Variants in TTC34 observed in about 807,000 individuals in gnomAD.
TTC34 encodes tetratricopeptide repeat protein 34.
In TTC34, 44 loss-of-function variants were observed where a neutral mutation model predicts 40.7. The ratio of observed to expected loss-of-function variants is 1.08; its 90% CI spans 0.85 to 1.39. The LOEUF (loss-of-function observed/expected upper bound fraction) is 1.39. Among genes scored for constraint, TTC34 ranks in the 40% most tolerant of loss-of-function variants. The probability of loss-of-function intolerance (pLI) is 0.00; values close to 1 mark genes in which losing one functional copy is unlikely to be tolerated. For synonymous variants in TTC34, 422 were observed against 398.6 expected (o/e 1.06, Z -0.70); for missense variants, 884 against 838.0 (o/e 1.05, Z -0.68).
At chr1:2,683,173 C>A (rs796417921) in intron 6 of TTC34, among the ~76,000 whole-genome samples, 2 of 54,222 alleles carry the variant, frequency 3.7e-5, no homozygotes, top group South Asian at 1.2e-3. Context: ...ATCCGGCAGC[C>A]TGGAGCGGAA....
At chr1:2,787,936 G>T (rs1163384193) in intron 3 of TTC34, among the ~76,000 whole-genome samples, 2 of 152,236 alleles carry the variant, frequency 1.3e-5, no homozygotes, top group Non-Finnish European at 2.9e-5. Context: ...GATTGTGGCG[G>T]TATAGACAGG....
At chr1:2,767,496 T>A (rs1176169165) in intron 6 of TTC34, among the ~76,000 whole-genome samples, 60 of 146,538 alleles carry the variant, frequency 4.1e-4, no homozygotes, top group Middle Eastern at 3.5e-3. Context: ...CAGGTGAGGA[T>A]CTGACAGCCT....
intron 6 of TTC34, among the ~76,000 whole-genome samples, chr1:2,688,653 A>C (rs1310015969): frequency 6.4e-4 from 39 of 60,820 alleles, no homozygotes; most frequent in South Asian, 1.6e-3. Flanking sequence ...ACCCACAACC[A>C]CAGGTGAGCC....
At chr1:2,757,787 C>G (rs1388623471) in intron 6 of TTC34, among the ~76,000 whole-genome samples, 5,451 of 134,850 alleles carry the variant, frequency 0.04, 3 homozygotes, top group South Asian at 0.089. Flanking sequence ...GAGCAGCACC[C>G]ACACCTTCCG....
intron 6 of TTC34, among the ~76,000 whole-genome samples, chr1:2,655,074 G>C (rs61765836): frequency 2.2e-5 from 1 of 45,202 alleles, no homozygotes. Flanking sequence ...GCACCTGACA[G>C]CCTGGAGCAG....
chr1:2,673,359 C>G (rs1454841003), intron 6 of TTC34, among the ~76,000 whole-genome samples: 2 of 71,402 alleles, frequency 2.8e-5, no homozygotes, highest in African/African-American at 9.7e-5. Context: ...CCCACGGCCA[C>G]AGGCGAGCAT....
chr1:2,643,881 G>C lies in TTC34; in HGVS notation c.2712+383C>G, dbSNP rs919174624. Among the ~76,000 whole-genome samples, 8 of 152,228 alleles carry C rather than the reference G, an allele frequency of 5.3e-5. 1 individual carries two copies. Among genetic ancestry groups the C allele is most frequent in the Admixed American group, 4.6e-4 (7 of 15,290 alleles). On this transcript the variant is annotated intron_variant, in intron 8 of 8. Coordinates refer to ENST00000401095, the Ensembl canonical transcript of TTC34. The stretch of plus-strand genomic sequence containing the variant: ...GGACCCCAAAGCCTGCTGTGCTCTT[G>C]GCCTCCCAGCCTGCCTTGTCCCCAC...
exon 2 of TTC34, chr1:2,800,366 T>G (rs1318877415): frequency 2.5e-6 from 1 of 398,370 alleles, no homozygotes; most frequent in Non-Finnish European, 4.4e-6. Context: ...CACCATCCGC[T>G]GCCTGCACCC....
chr1:2,799,790 C>CTA (rs1237348937), intron 2 of TTC34, among the ~76,000 whole-genome samples: 1 of 152,206 alleles, frequency 6.6e-6, no homozygotes, highest in South Asian at 2.1e-4. Flanking sequence ...CACTCTCAGC[C>CTA]TAAATGATTC....
At chr1:2,691,907 C>T (rs1343776036) in intron 6 of TTC34, among the ~76,000 whole-genome samples, 1 of 74,236 alleles carries the variant, frequency 1.3e-5, no homozygotes, top group South Asian at 4.5e-4. Context: ...ACCTGCACAC[C>T]CAGGTGAGCA....
At position 2,750,727 on chromosome 1, in the gene TTC34, C is replaced by A. The variant is rs1234433159; in HGVS notation, c.2226+32882G>T. On this transcript the variant is annotated intron_variant, in intron 6 of 8. Coordinates refer to ENST00000401095, the Ensembl canonical transcript of TTC34. ...CGACAGCCTGGAGCAGCACCCACAC[C>A]CCCAGGTGAGCATCTGATGGTCTGG... is the stretch of plus-strand genomic sequence containing the variant. Among the ~76,000 whole-genome samples the A allele has an allele frequency of 8.9e-4, 115 of 129,908 alleles. 1 individual carries two copies. The highest frequency in any genetic ancestry group is 1.3e-3 in the Non-Finnish European group (75 of 59,398). The allele number at this position is 129,908 out of a possible 152,430, so 85.2% of individuals were successfully genotyped here. A position where few individuals can be genotyped will look rare whatever the true frequency, so the allele number is the denominator to read the frequency against.
intron 6 of TTC34, among the ~76,000 whole-genome samples, chr1:2,651,342 A>G (rs923763570): frequency 3.3e-5 from 5 of 152,076 alleles, no homozygotes; most frequent in African/African-American, 1.2e-4. Context: ...ACAGCATTGA[A>G]TGGCACCCAA....
At chr1:2,786,103 T>C in intron 4 of TTC34, 80 bp from the exon 5 acceptor site, 1 of 1,258,398 alleles carries the variant, frequency 7.9e-7, no homozygotes, top group Non-Finnish European at 1.0e-6. Context: ...CCCCTGGCCA[T>C]CCCCCACCCC....
At chr1:2,684,673 A>C (rs1640238632) in intron 6 of TTC34, among the ~76,000 whole-genome samples, 1 of 123,434 alleles carries the variant, frequency 8.1e-6, no homozygotes, top group Non-Finnish European at 1.6e-5. Context: ...AGCAGCACCC[A>C]CACGCCCAGG....
intron 6 of TTC34, among the ~76,000 whole-genome samples, chr1:2,759,781 CCTGCAACAGTACCCACACT>C (rs1641633345): frequency 1.5e-5 from 2 of 133,992 alleles, no homozygotes; most frequent in Admixed American, 7.1e-5. Context: ...CATCTCACAG[CCTGCAACAGTACCCACACT>C]CCCAGGCGAG....
intron 6 of TTC34, among the ~76,000 whole-genome samples, chr1:2,686,942 C>G (rs532364302): frequency 1.3e-5 from 2 of 148,684 alleles, no homozygotes; most frequent in East Asian, 2.0e-4. Flanking sequence ...GAGCATCGGA[C>G]AGCCTGGAGC....
intron 6 of TTC34, among the ~76,000 whole-genome samples, chr1:2,757,008 C>CATCGCATGGCATCCT (rs1641528906): frequency 4.2e-5 from 4 of 95,414 alleles, no homozygotes; most frequent in Admixed American, 1.1e-4. Flanking sequence ...CCTCTGACAG[C>CATCGCATGGCATCCT]CTGGAACAGC....
In TTC34 at chr1:2,756,656, A is replaced by G. The variant is rs1641515876; in HGVS notation, c.2226+26953T>C. ...AGGTGAGCATCTGACAGCCTGGAACAGCACCCACACCCCCAGGTGAGCAGC... is the reference window on the plus strand; with the variant it reads ...AGGTGAGCATCTGACAGCCTGGAACGGCACCCACACCCCCAGGTGAGCAGC... On this transcript the variant is annotated intron_variant, in intron 6 of 8. Coordinates refer to ENST00000401095, the Ensembl canonical transcript of TTC34. Among the ~76,000 whole-genome samples the G allele has an allele frequency of 4.0e-5, 6 of 151,412 alleles. No homozygotes were observed. In the East Asian group the frequency reaches 5.8e-4, roughly 15 times the overall value.
chr1:2,748,992 G>A (rs1279018845), intron 6 of TTC34, among the ~76,000 whole-genome samples: 3 of 53,312 alleles, frequency 5.6e-5, no homozygotes, highest in African/African-American at 8.8e-5. Flanking sequence ...GCCTGGAACA[G>A]CACCCACACG....
Sources: allele counts gnomAD v4.1 joint callset (sites outside exome capture counted in the v4.1 genomes callset), GRCh38; gene constraint gnomAD v4.1.1; transcripts MANE v1.5; gene names NCBI Gene and HGNC (gene_info 2026-07-23, HGNC 2026-07-21).